Variants in PIK3CB observed in about 807,000 individuals in gnomAD.
PIK3CB encodes phosphatidylinositol-4,5-bisphosphate 3-kinase catalytic subunit beta, also known as phosphatidylinositol 4,5-bisphosphate 3-kinase catalytic subunit beta isoform.
In PIK3CB, 39 loss-of-function variants were observed where a neutral mutation model predicts 136.8. The observed-to-expected ratio is 0.29, with a 90% CI of 0.22 to 0.37. The LOEUF (loss-of-function observed/expected upper bound fraction) is 0.37. Ranked by LOEUF, PIK3CB falls within the 10% of genes least tolerant of loss-of-function variation. The probability of loss-of-function intolerance (pLI) is 1.00; values close to 1 mark genes in which losing one functional copy is unlikely to be tolerated. For missense variants in PIK3CB, 868 were observed against 1,275.4 expected (o/e 0.68, Z 4.87); for synonymous variants, 428 against 436.6 (o/e 0.98, Z 0.25).
chr3:138,688,765 T>C, intron 16 of PIK3CB, 110 bp downstream of exon 16: 1 of 656,770 alleles, frequency 1.5e-6, no homozygotes, highest in Non-Finnish European at 2.7e-6. Context: ...ATAAAACTGA[T>C]CAAACACCAA....
intron 21 of PIK3CB, among the ~76,000 whole-genome samples, chr3:138,661,109 T>C (rs2043287900): frequency 6.6e-6 from 1 of 152,244 alleles, no homozygotes; most frequent in Non-Finnish European, 1.5e-5. Context: ...CTGCAGATTG[T>C]ACCATTTACT....
At chr3:138,791,164 G>A (rs78915249) in intron 2 of PIK3CB, among the ~76,000 whole-genome samples, 1 of 141,230 alleles carries the variant, frequency 7.1e-6, no homozygotes, top group Non-Finnish European at 1.5e-5. Flanking sequence ...TTTTTTTTTT[G>A]AGATGTCTTG....
chr3:138,742,456 G>C (rs2045264815), intron 5 of PIK3CB, 102 bp downstream of exon 5: 1 of 615,452 alleles, frequency 1.6e-6, no homozygotes, highest in Non-Finnish European at 2.9e-6. Flanking sequence ...CTTTCTAATA[G>C]TGTTTGCTAG....
chr3:138,827,364 C>T (rs1002709901), intron 1 of PIK3CB, among the ~76,000 whole-genome samples: 8 of 151,868 alleles, frequency 5.3e-5, no homozygotes, highest in Non-Finnish European at 1.0e-4. Context: ...TTAAGAACGC[C>T]TAATAGAAGG....
chr3:138,775,100 G>A (rs1468367181), intron 2 of PIK3CB, among the ~76,000 whole-genome samples: 1 of 152,176 alleles, frequency 6.6e-6, no homozygotes, highest in Non-Finnish European at 1.5e-5. Flanking sequence ...ACTGTAAATT[G>A]AGAGGGAAAA....
chr3:138,728,690 G>C (rs1435461364), intron 8 of PIK3CB, among the ~76,000 whole-genome samples: 1 of 151,744 alleles, frequency 6.6e-6, no homozygotes, highest in African/African-American at 2.4e-5. Flanking sequence ...TGAGGCAGGA[G>C]AATGGCATGA....
At chr3:138,729,206 G>A (rs751933985) in intron 8 of PIK3CB, among the ~76,000 whole-genome samples, 50 of 151,982 alleles carry the variant, frequency 3.3e-4, no homozygotes, top group Middle Eastern at 3.4e-3. Flanking sequence ...ACTTGAACCC[G>A]GGAGGCGGAG....
chr3:138,832,830 CAAAAAAAAAA>C (rs1219182171), intron 1 of PIK3CB, among the ~76,000 whole-genome samples: 6 of 52,718 alleles, frequency 1.1e-4, no homozygotes, highest in African/African-American at 4.3e-4. Flanking sequence ...AACTCCGTCT[CAAAAAAAAAA>C]AAAAAAAAAC....
intron 4 of PIK3CB, among the ~76,000 whole-genome samples, chr3:138,747,200 G>A (rs1290634443): frequency 1.4e-5 from 2 of 147,392 alleles, no homozygotes; most frequent in Non-Finnish European, 3.0e-5. Flanking sequence ...GCACCCAGCT[G>A]CATTCAACTT....
At chr3:138,692,393 C>T (rs1008274245) in intron 14 of PIK3CB, among the ~76,000 whole-genome samples, 2 of 152,304 alleles carry the variant, frequency 1.3e-5, no homozygotes, top group South Asian at 2.1e-4. Flanking sequence ...GGGATCAATG[C>T]GTTTAAGAAA....
intron 2 of PIK3CB, among the ~76,000 whole-genome samples, chr3:138,791,344 T>C (rs567011635): frequency 2.6e-5 from 4 of 152,270 alleles, no homozygotes; most frequent in Admixed American, 2.6e-4. Context: ...GGTTTTACCA[T>C]GTTGCCCAGA....
intron 8 of PIK3CB, among the ~76,000 whole-genome samples, chr3:138,731,635 G>A (rs899078992): frequency 6.6e-6 from 1 of 151,988 alleles, no homozygotes; most frequent in African/African-American, 2.4e-5. Context: ...GATAAAAACA[G>A]GATTACCACT....
At chr3:138,703,520 T>C (rs1203333989) in intron 12 of PIK3CB, among the ~76,000 whole-genome samples, 1 of 150,950 alleles carries the variant, frequency 6.6e-6, no homozygotes, top group African/African-American at 2.4e-5. Context: ...GCCAAAAAAT[T>C]AAATAAAAAA....
chr3:138,684,036 T>C (rs1445501114), intron 17 of PIK3CB, among the ~76,000 whole-genome samples: 2 of 152,202 alleles, frequency 1.3e-5, no homozygotes, highest in Non-Finnish European at 2.9e-5. Context: ...CCACTTAACA[T>C]TCCTTCTCTC....
chr3:138,778,180 A>T (rs2045882601), intron 2 of PIK3CB: 3 of 455,872 alleles, frequency 6.6e-6, no homozygotes, highest in Admixed American at 2.3e-5. Context: ...CGAAAGGGTC[A>T]TCATCTCTGC....
chr3:138,660,846 A>T (rs1216661783), intron 21 of PIK3CB, among the ~76,000 whole-genome samples: 1 of 152,226 alleles, frequency 6.6e-6, no homozygotes, highest in Non-Finnish European at 1.5e-5. Context: ...AAGTATATTA[A>T]TCCTTAGCTG....
At chr3:138,751,889 T>C (rs1453177512) in intron 4 of PIK3CB, among the ~76,000 whole-genome samples, 1 of 151,090 alleles carries the variant, frequency 6.6e-6, no homozygotes, top group East Asian at 1.9e-4. Context: ...GAGAATCACT[T>C]GAACCCAGGA....
chr3:138,826,381 G>C lies in PIK3CB; in HGVS notation c.-122+8314C>G. 2.7e-6 allele frequency: 4 copies of C among 1,506,742 alleles called. No homozygotes were observed. In the South Asian group the frequency reaches 3.4e-5, roughly 13 times the overall value. The allele number at this position is 1,506,742 out of a possible 1,614,324, so 93.3% of individuals were successfully genotyped here. On this transcript the variant is annotated intron_variant, in intron 1 of 23. Transcript: ENST00000674063. ...AGTCTTAATCAGTGGTGGAAGAATA[G>C]CCTCAGAAATGTTTGTTTCAATCAG...
At chr3:138,673,146 T>C (rs1307349098) in intron 19 of PIK3CB, among the ~76,000 whole-genome samples, 3 of 151,474 alleles carry the variant, frequency 2.0e-5, no homozygotes, top group East Asian at 3.9e-4. Flanking sequence ...TATGAAAAGA[T>C]AGAAAATATG....
Sources: gnomAD v4.1 joint callset for allele counts (sites outside exome capture counted in the v4.1 genomes callset) on GRCh38, gnomAD v4.1.1 for gene constraint, MANE v1.5 for transcripts, NCBI Gene and HGNC (gene_info 2026-07-23, HGNC 2026-07-21) for gene names.